The following GPD1L variants were observed in gnomAD, a reference collection of about 807,000 sequenced individuals.
GPD1L encodes the protein glycerol-3-phosphate dehydrogenase 1 like.
Under a neutral mutation model 32.9 loss-of-function variants are expected in GPD1L, and 17 were observed. That is an observed-to-expected ratio of 0.52 (90% CI 0.35 to 0.78). GPD1L has a LOEUF of 0.78. Ranked by LOEUF, GPD1L falls within the 30% of genes least tolerant of loss-of-function variation. GPD1L has a pLI of 0.01. For synonymous variants in GPD1L, 187 were observed against 165.9 expected (o/e 1.13, Z -0.98); for missense variants, 361 against 447.8 (o/e 0.81, Z 1.75).
chr3:32,121,371 A>G (rs959038827), intron 1 of GPD1L, among the ~76,000 whole-genome samples: 4 of 151,326 alleles, frequency 2.6e-5, no homozygotes, highest in Non-Finnish European at 4.4e-5. Flanking sequence ...TGCTGCCGGG[A>G]AGGTACCCAG....
chr3:32,155,745 A>G (rs1700979623), intron 5 of GPD1L, among the ~76,000 whole-genome samples: 1 of 152,176 alleles, frequency 6.6e-6, no homozygotes, highest in South Asian at 2.1e-4. Flanking sequence ...GCAGGCTACA[A>G]TTGCACCAAC....
chr3:32,140,323 T>G lies in GPD1L; in HGVS notation c.462T>G (p.Ile154Met). 1 of 1,614,138 alleles carries G rather than the reference T, an allele frequency of 6.2e-7. No individual in the cohort carries two copies. Among genetic ancestry groups the G allele is most frequent in the Admixed American group, 1.7e-5 (1 of 60,020 alleles). ...TCAGTGTGCTGATGGGAGCCAACAT[T>G]GCCAATGAGGTGGCTGCAGAGAAGT... Reference protein sequence around the residue: ...IDISVLMGANIANEVAAEKFC... With the variant: ...IDISVLMGANMANEVAAEKFC... The change falls in exon 4 of 8, where the codon ATT becomes ATG. Residue 154 changes from isoleucine to methionine, a missense_variant. Ile to Met is a conservative substitution (Grantham distance 10). Transcript: ENST00000282541.
In GPD1L at chr3:32,106,931, G is replaced by T. The variant is rs1477737817; in HGVS notation, c.47+173G>T. 8.2e-6 allele frequency: 4 copies of T among 488,064 alleles called. No individual in the cohort carries two copies. 30.2% of individuals were successfully genotyped at this position (488,064 alleles called of 1,614,324 possible). Reference sequence around the variant, plus strand: ...ACCGTGCGCCCGAGGAGGCCGCACCGGGGCACTCGCTCGGGAGGCGCTGGG... The same window carrying T: ...ACCGTGCGCCCGAGGAGGCCGCACCTGGGCACTCGCTCGGGAGGCGCTGGG... On this transcript the variant is annotated intron_variant, in intron 1 of 7. Coordinates refer to ENST00000282541, the MANE Select transcript of GPD1L (RefSeq NM_015141.4). The surrounding 1 kb of genome is among the most constrained non-coding windows in gnomAD (Gnocchi z 4.0).
At chr3:32,152,561 G>T (rs540516864) in intron 5 of GPD1L, among the ~76,000 whole-genome samples, 68 of 152,280 alleles carry the variant, frequency 4.5e-4, no homozygotes, top group African/African-American at 1.6e-3. Context: ...AATGGAAGAG[G>T]CAAACAGAGA....
At chr3:32,149,212 G>C (rs1700875413) in intron 5 of GPD1L, among the ~76,000 whole-genome samples, 1 of 152,000 alleles carries the variant, frequency 6.6e-6, no homozygotes, top group Non-Finnish European at 1.5e-5. Context: ...GGCACATGCT[G>C]CCATGCCCGA....
At chr3:32,162,002 T>G (rs76923842) in intron 7 of GPD1L, among the ~76,000 whole-genome samples, 17,200 of 152,264 alleles carry the variant, frequency 0.11, 1,076 homozygotes, top group African/African-American at 0.14. Flanking sequence ...TACTCCGGTC[T>G]TCCTCTGTTT....
At chr3:32,134,552 T>C (rs1395691374) in intron 2 of GPD1L, among the ~76,000 whole-genome samples, 1 of 152,210 alleles carries the variant, frequency 6.6e-6, no homozygotes, top group African/African-American at 2.4e-5. Context: ...AGTGGTGCAA[T>C]CACAACTTTT....
intron 2 of GPD1L, among the ~76,000 whole-genome samples, chr3:32,137,518 G>T (rs1010217469): frequency 6.6e-6 from 1 of 152,170 alleles, no homozygotes; most frequent in Non-Finnish European, 1.5e-5. Context: ...CACTTCCATT[G>T]ATGCTCCCTT....
At chr3:32,152,515 C>T (rs573375294) in intron 5 of GPD1L, among the ~76,000 whole-genome samples, 24 of 152,154 alleles carry the variant, frequency 1.6e-4, no homozygotes, top group African/African-American at 4.1e-4. Flanking sequence ...TGAATGCTGC[C>T]GGAGGGGAGG....
intron 5 of GPD1L, among the ~76,000 whole-genome samples, chr3:32,148,840 T>C (rs1700871034): frequency 6.6e-6 from 1 of 152,016 alleles, no homozygotes; most frequent in South Asian, 2.1e-4. Context: ...GATGGGTTTT[T>C]CCCCCCGACT....
chr3:32,164,104 G>C (rs1341608088), intron 7 of GPD1L, among the ~76,000 whole-genome samples: 1 of 152,164 alleles, frequency 6.6e-6, no homozygotes, highest in East Asian at 1.9e-4. Flanking sequence ...TTGCTGCCTA[G>C]GACTGTGTTA....
intron 2 of GPD1L, among the ~76,000 whole-genome samples, chr3:32,136,174 GTTGGC>G (rs1700657107): frequency 6.6e-6 from 1 of 152,200 alleles, no homozygotes; most frequent in African/African-American, 2.4e-5. Flanking sequence ...CATCCGCAAA[GTTGGC>G]TTCATCCACA....
At chr3:32,114,856 T>C (rs751624427) in intron 1 of GPD1L, among the ~76,000 whole-genome samples, 1 of 152,114 alleles carries the variant, frequency 6.6e-6, no homozygotes, top group East Asian at 1.9e-4. Flanking sequence ...GTGTTACAGC[T>C]CTTAAAGGTG....
At chr3:32,130,229 G>C (rs1700565956) in intron 2 of GPD1L, among the ~76,000 whole-genome samples, 3 of 152,096 alleles carry the variant, frequency 2.0e-5, no homozygotes, top group Admixed American at 2.0e-4. Context: ...TGGTCACTGG[G>C]TGTGGACAGA....
chr3:32,156,107 G>A (rs1391191960), intron 5 of GPD1L, among the ~76,000 whole-genome samples: 3 of 151,886 alleles, frequency 2.0e-5, no homozygotes, highest in East Asian at 1.9e-4. Context: ...GAACTAGATC[G>A]CACCCGACCC....
chr3:32,158,788 C>G (rs1384397826), intron 5 of GPD1L, 88 bp from the exon 6 acceptor site: 1 of 1,554,920 alleles, frequency 6.4e-7, no homozygotes, highest in Non-Finnish European at 8.7e-7. Flanking sequence ...CCTGGTCTGC[C>G]CCTGCCTCGG....
At chr3:32,137,416 T>C (rs1410698143) in intron 2 of GPD1L, among the ~76,000 whole-genome samples, 1 of 152,206 alleles carries the variant, frequency 6.6e-6, no homozygotes, top group Non-Finnish European at 1.5e-5. Flanking sequence ...TGCTCTAAGA[T>C]GACTGTCTGA....
chr3:32,146,864 T>C (rs1245009650), intron 5 of GPD1L, 130 bp downstream of exon 5: 1 of 732,442 alleles, frequency 1.4e-6, no homozygotes, highest in Non-Finnish European at 2.5e-6. Context: ...GAGAGTCTTG[T>C]TTATAACTTC....
At chr3:32,158,629 C>T (rs1701027244) in intron 5 of GPD1L, 1 of 694,484 alleles carries the variant, frequency 1.4e-6, no homozygotes, top group Non-Finnish European at 2.3e-6. Flanking sequence ...ATTTTCTGTC[C>T]AATGCTCTTC....
Sources: allele counts gnomAD v4.1 joint callset (sites outside exome capture counted in the v4.1 genomes callset), GRCh38; gene constraint gnomAD v4.1.1; non-coding constraint Gnocchi (gnomAD v3.1); transcripts MANE v1.5; gene names NCBI Gene and HGNC (gene_info 2026-07-23, HGNC 2026-07-21).